WWP2: variants seen among roughly 807,000 people sequenced by gnomAD.
WWP2 encodes the protein NEDD4-like E3 ubiquitin-protein ligase WWP2.
WWP2 carries 57 observed loss-of-function variants against 121.0 expected under a neutral mutation model. That is an observed-to-expected ratio of 0.47 (90% CI 0.38 to 0.59). The LOEUF (loss-of-function observed/expected upper bound fraction) is 0.59, where lower values mean the gene tolerates loss of function less well. WWP2 is among the 20% of genes least tolerant of loss of function. WWP2 has a pLI of 0.00. For missense variants in WWP2, 962 were observed against 1,158.9 expected (o/e 0.83, Z 2.47); for synonymous variants, 449 against 441.3 (o/e 1.02, Z -0.22).
At chr16:69,856,584 G>A (rs2057316639) in intron 6 of WWP2, among the ~76,000 whole-genome samples, 1 of 152,094 alleles carries the variant, frequency 6.6e-6, no homozygotes, top group South Asian at 2.1e-4. Flanking sequence ...AGACCATCCT[G>A]GCCAACATGG....
intron 10 of WWP2, among the ~76,000 whole-genome samples, chr16:69,923,291 G>C (rs1382474347): frequency 3.0e-5 from 3 of 98,398 alleles, no homozygotes; most frequent in Non-Finnish European, 5.6e-5. Flanking sequence ...TCTTCTCCTC[G>C]CTTCTTATAG....
At chr16:69,813,486 T>C (rs2056434294) in intron 4 of WWP2, among the ~76,000 whole-genome samples, 1 of 152,052 alleles carries the variant, frequency 6.6e-6, no homozygotes, top group Admixed American at 6.6e-5. Context: ...TTTTAAATTG[T>C]TTGTTTATTT....
At position 69,937,503 on chromosome 16, in the gene WWP2, G is replaced by A. The variant is rs371086040; in HGVS notation, c.2239-45G>A. 38 of 1,598,200 alleles carry A rather than the reference G, an allele frequency of 2.4e-5. No individual in the cohort carries two copies. The highest frequency in any genetic ancestry group is 1.7e-4 in the Middle Eastern group (1 of 6,042). On this transcript the variant is annotated intron_variant, in intron 20 of 23. Transcript: ENST00000359154. This position sits in a 1 kb window ranked among gnomAD's most constrained non-coding sequence, Gnocchi z 6.6. ...TCAAGTGCTAGCGAGTGGACGATGC[G>A]CGGGGAGGGACCTGCCGGGGATGCT...
chr16:69,934,255 A>G (rs1005036980), intron 17 of WWP2, 126 bp downstream of exon 17: 3 of 1,256,036 alleles, frequency 2.4e-6, no homozygotes, highest in Non-Finnish European at 3.3e-6. Context: ...AAGGGGCAGC[A>G]TTGGAGGAGG....
At position 69,909,091 on chromosome 16, in the gene WWP2, G is replaced by T. The variant is rs1288133400; in HGVS notation, c.1004+241G>T. 1.0e-5 allele frequency: 13 copies of T among 1,285,672 alleles called. No individual in the cohort carries two copies. The African/African-American group carries it at 1.7e-4, about 16-fold the overall frequency. 79.6% of individuals were successfully genotyped at this position (1,285,672 alleles called of 1,614,324 possible). Reference sequence around the variant, plus strand: ...ATGGGAGGCCAAGATTTAGAGTGTTGATGCATTCCGCCGTACCCTATGCCC... The same window carrying T: ...ATGGGAGGCCAAGATTTAGAGTGTTTATGCATTCCGCCGTACCCTATGCCC... On this transcript the variant is annotated intron_variant, in intron 9 of 23. Coordinates refer to ENST00000359154, the MANE Select transcript of WWP2 (RefSeq NM_001270454.2).
chr16:69,828,905 C>G (rs144070148), intron 4 of WWP2, among the ~76,000 whole-genome samples: 2,715 of 152,248 alleles, frequency 0.018, 65 homozygotes, highest in African/African-American at 0.059. Flanking sequence ...GAGCTCTCTT[C>G]CCACGTATCT....
intron 4 of WWP2, among the ~76,000 whole-genome samples, chr16:69,836,086 A>G (rs558259249): frequency 2.8e-4 from 43 of 152,272 alleles, no homozygotes; most frequent in African/African-American, 1.0e-3. Context: ...TACAGACGTG[A>G]GCCACCGTGC....
chr16:69,811,957 A>G (rs2056399815), intron 4 of WWP2, among the ~76,000 whole-genome samples: 1 of 152,178 alleles, frequency 6.6e-6, no homozygotes, highest in Admixed American at 6.6e-5. Context: ...GAAGGATACT[A>G]CAGTACAATT....
chr16:69,889,683 A>G (rs1403067804), intron 8 of WWP2, among the ~76,000 whole-genome samples: 1 of 152,164 alleles, frequency 6.6e-6, no homozygotes, highest in African/African-American at 2.4e-5. Flanking sequence ...CGGGAGGTGA[A>G]GTCCCTTCTT....
chr16:69,931,355 G>A (rs891717192), intron 14 of WWP2, 128 bp downstream of exon 14: 8 of 1,456,530 alleles, frequency 5.5e-6, no homozygotes, highest in Middle Eastern at 1.8e-4. Flanking sequence ...TGTCTAACCC[G>A]GAGCTGGCTG....
chr16:69,876,452 C>A (rs368474183), intron 7 of WWP2, among the ~76,000 whole-genome samples: 1 of 151,856 alleles, frequency 6.6e-6, no homozygotes, highest in East Asian at 1.9e-4. Flanking sequence ...ATAACCTACA[C>A]CTCCCGGGTT....
At chr16:69,889,143 G>A (rs1421623602) in intron 8 of WWP2, among the ~76,000 whole-genome samples, 1 of 146,798 alleles carries the variant, frequency 6.8e-6, no homozygotes, top group Non-Finnish European at 1.5e-5. Context: ...GTGATATCCT[G>A]CCTACACACA....
chr16:69,800,830 G>A (rs1043252701), intron 4 of WWP2, among the ~76,000 whole-genome samples: 2 of 151,312 alleles, frequency 1.3e-5, no homozygotes, highest in African/African-American at 4.8e-5. Context: ...CTCCCAAAGT[G>A]TTGGGATTAC....
intron 8 of WWP2, among the ~76,000 whole-genome samples, chr16:69,905,199 G>A (rs1490827930): frequency 6.6e-6 from 1 of 152,184 alleles, no homozygotes; most frequent in East Asian, 1.9e-4. Context: ...CCAGTTCCTG[G>A]ATCATTCTTA....
chr16:69,771,304 A>G (rs2055409910), intron 1 of WWP2, among the ~76,000 whole-genome samples: 1 of 152,180 alleles, frequency 6.6e-6, no homozygotes, highest in East Asian at 1.9e-4. Context: ...GCTGGAGTGC[A>G]GTGTGCTATC....
chr16:69,781,206 G>A (rs1015874683), intron 1 of WWP2, among the ~76,000 whole-genome samples: 2 of 151,992 alleles, frequency 1.3e-5, no homozygotes, highest in African/African-American at 4.8e-5. Flanking sequence ...AGGCCTGTGT[G>A]GCAGTAATCA....
At chr16:69,817,681 T>A (rs1318000811) in intron 4 of WWP2, among the ~76,000 whole-genome samples, 5 of 145,216 alleles carry the variant, frequency 3.4e-5, no homozygotes, top group Non-Finnish European at 7.6e-5. Flanking sequence ...TTTTTTTTTT[T>A]TTTTAAAGAG....
At chr16:69,850,243 C>T (rs866670977) in intron 6 of WWP2, among the ~76,000 whole-genome samples, 6 of 151,914 alleles carry the variant, frequency 3.9e-5, no homozygotes, top group Admixed American at 6.6e-5. Context: ...AAAAATTAGC[C>T]GGGCGTGGTG....
Position 69,934,176 on chromosome 16 carries a change from C to T in WWP2, c.1842+47C>T, listed in dbSNP as rs758705368. On this transcript the variant is annotated intron_variant, in intron 17 of 23. Transcript: ENST00000359154. Reference sequence around the variant, plus strand: ...GCCTAGTTCCCTCCTCCTCTCCCTCCTCTTCCCTCTCCTGGTGAAGTGTGC... The same window carrying T: ...GCCTAGTTCCCTCCTCCTCTCCCTCTTCTTCCCTCTCCTGGTGAAGTGTGC... The T allele has an allele frequency of 3.1e-6, 5 of 1,601,970 alleles. No homozygotes were observed. In the African/African-American group the frequency reaches 5.4e-5, roughly 17 times the overall value.
Sources: allele counts gnomAD v4.1 joint callset (sites outside exome capture counted in the v4.1 genomes callset), GRCh38; gene constraint gnomAD v4.1.1; non-coding constraint Gnocchi (gnomAD v3.1); transcripts MANE v1.5; gene names NCBI Gene and HGNC (gene_info 2026-07-23, HGNC 2026-07-21).